The following FBXL7 variants were observed in gnomAD, a reference collection of about 807,000 sequenced individuals.
FBXL7 encodes F-box and leucine rich repeat protein 7.
FBXL7 carries 12 observed loss-of-function variants against 38.3 expected under a neutral mutation model. That is an observed-to-expected ratio of 0.31 (90% CI 0.20 to 0.51). The LOEUF is 0.51. Among genes scored for constraint, FBXL7 ranks in the 20% least tolerant of loss-of-function variants. FBXL7 has a pLI of 0.98. For synonymous variants in FBXL7, 297 were observed against 300.9 expected, an observed-to-expected ratio of 0.99 and a Z score of 0.13; for missense variants, 567 against 676.4, an observed-to-expected ratio of 0.84 and a Z score of 1.79.
intron 2 of FBXL7, among the ~76,000 whole-genome samples, chr5:15,693,747 C>T (rs557707024): frequency 4.6e-5 from 7 of 152,262 alleles, no homozygotes; most frequent in East Asian, 3.9e-4. Flanking sequence ...GGTGGAACGA[C>T]GCAGATGCTG....
chr5:15,560,237 C>G (rs547084080), intron 1 of FBXL7, among the ~76,000 whole-genome samples: 1 of 152,260 alleles, frequency 6.6e-6, no homozygotes, highest in Non-Finnish European at 1.5e-5. Flanking sequence ...AATATTTCTT[C>G]TTGTCTGTGC....
chr5:15,930,663 T>C (rs1294773460), intron 3 of FBXL7, among the ~76,000 whole-genome samples: 1 of 152,214 alleles, frequency 6.6e-6, no homozygotes, highest in Non-Finnish European at 1.5e-5. Flanking sequence ...AATATATTTG[T>C]GTAGCCTCCC....
At chr5:15,509,615 A>G (rs1449064202) in intron 1 of FBXL7, among the ~76,000 whole-genome samples, 1 of 152,138 alleles carries the variant, frequency 6.6e-6, no homozygotes, top group Admixed American at 6.5e-5. Flanking sequence ...ACCAACAACA[A>G]CAACAAAAAA....
rs1269871786 is a variant in FBXL7, at chr5:15,596,897, A to G, written c.38-19086A>G. On this transcript the variant is annotated intron_variant, in intron 1 of 3. Coordinates refer to ENST00000504595, the MANE Select transcript of FBXL7 (RefSeq NM_012304.5). ...CATACCTCGCCCTGTGCATCTCTTC[A>G]TCTCTATCCTTTGCAATATCCTTTA... Among the ~76,000 whole-genome samples, 3 of 152,182 alleles carry G rather than the reference A, an allele frequency of 2.0e-5. No homozygotes were observed. In the South Asian group the frequency reaches 6.2e-4, roughly 32 times the overall value.
intron 3 of FBXL7, among the ~76,000 whole-genome samples, chr5:15,934,143 T>G (rs1321401142): frequency 6.6e-6 from 1 of 152,146 alleles, no homozygotes; most frequent in Non-Finnish European, 1.5e-5. Context: ...TAGCTGGGAT[T>G]ACAGGCATGC....
intron 2 of FBXL7, among the ~76,000 whole-genome samples, chr5:15,733,304 G>C (rs1186658487): frequency 6.6e-6 from 1 of 152,134 alleles, no homozygotes; most frequent in Non-Finnish European, 1.5e-5. Context: ...CCTTGGCCAG[G>C]CTGGTCTTGA....
chr5:15,684,045 G>C (rs1470813360), intron 2 of FBXL7, among the ~76,000 whole-genome samples: 2 of 152,004 alleles, frequency 1.3e-5, no homozygotes, highest in African/African-American at 4.8e-5. Flanking sequence ...TGATTATTTA[G>C]ATAAATTTCA....
chr5:15,713,356 G>A (rs376763722), intron 2 of FBXL7, among the ~76,000 whole-genome samples: 22 of 152,288 alleles, frequency 1.4e-4, no homozygotes, highest in African/African-American at 5.3e-4. Flanking sequence ...CCCACAACAT[G>A]TGGGAATTAT....
chr5:15,925,446 G>A (rs1450886469), intron 2 of FBXL7, among the ~76,000 whole-genome samples: 2 of 152,164 alleles, frequency 1.3e-5, no homozygotes, highest in African/African-American at 4.8e-5. Flanking sequence ...CTCAGTGTTA[G>A]GTTATAAACA....
At chr5:15,786,556 C>T (rs995009636) in intron 2 of FBXL7, among the ~76,000 whole-genome samples, 7 of 152,076 alleles carry the variant, frequency 4.6e-5, no homozygotes, top group African/African-American at 1.7e-4. Flanking sequence ...GAGGCTCATT[C>T]AATGTAGAAT....
intron 1 of FBXL7, among the ~76,000 whole-genome samples, chr5:15,567,177 T>A (rs1738604517): frequency 6.6e-6 from 1 of 152,160 alleles, no homozygotes; most frequent in Non-Finnish European, 1.5e-5. Flanking sequence ...TTTTTAGACA[T>A]ATTTCATTCA....
chr5:15,673,028 C>G (rs1742532582), intron 2 of FBXL7, among the ~76,000 whole-genome samples: 1 of 151,720 alleles, frequency 6.6e-6, no homozygotes, highest in Non-Finnish European at 1.5e-5. Flanking sequence ...TCCTTGGATC[C>G]TTAAAACCCA....
chr5:15,849,749 T>A (rs1364495604), intron 2 of FBXL7, among the ~76,000 whole-genome samples: 1 of 152,246 alleles, frequency 6.6e-6, no homozygotes, highest in Non-Finnish European at 1.5e-5. Flanking sequence ...ATTTTCATGT[T>A]TGTTTTTAAC....
chr5:15,816,838 G>T (rs402438), intron 2 of FBXL7, among the ~76,000 whole-genome samples: 80,816 of 151,922 alleles, frequency 0.53, 22,777 homozygotes, highest in Non-Finnish European at 0.64. Context: ...ACACATTTTC[G>T]GAGTAAATTA....
chr5:15,892,082 A>G (rs1455687508), intron 2 of FBXL7, among the ~76,000 whole-genome samples: 3 of 152,228 alleles, frequency 2.0e-5, no homozygotes, highest in Non-Finnish European at 4.4e-5. Context: ...AGCCAGGAGA[A>G]GCAGTTCATG....
At chr5:15,707,074 T>C (rs569032024) in intron 2 of FBXL7, among the ~76,000 whole-genome samples, 1 of 152,094 alleles carries the variant, frequency 6.6e-6, no homozygotes, top group Non-Finnish European at 1.5e-5. Flanking sequence ...TGAATTCTTC[T>C]TTAAGGTATA....
chr5:15,835,391 A>G (rs1032079902), intron 2 of FBXL7, among the ~76,000 whole-genome samples: 1 of 152,240 alleles, frequency 6.6e-6, no homozygotes, highest in African/African-American at 2.4e-5. Flanking sequence ...TAGAATTATA[A>G]TATGAAATTA....
At chr5:15,893,180 G>T (rs914248292) in intron 2 of FBXL7, among the ~76,000 whole-genome samples, 1 of 151,858 alleles carries the variant, frequency 6.6e-6, no homozygotes, top group African/African-American at 2.4e-5. Context: ...CTCAGCTGGG[G>T]AGAGGCAGGA....
At chr5:15,651,604 A>C (rs542119205) in intron 2 of FBXL7, among the ~76,000 whole-genome samples, 2 of 152,210 alleles carry the variant, frequency 1.3e-5, no homozygotes, top group Non-Finnish European at 2.9e-5. Context: ...ATGGGGTTAA[A>C]ATATTCAGTA....
Sources: gnomAD v4.1 joint callset for allele counts (sites outside exome capture counted in the v4.1 genomes callset) on GRCh38, gnomAD v4.1.1 for gene constraint, MANE v1.5 for transcripts, NCBI Gene and HGNC (gene_info 2026-07-23, HGNC 2026-07-21) for gene names.